The following PTPN12 variants were observed in gnomAD, a reference collection of about 807,000 sequenced individuals.
PTPN12 encodes the protein protein tyrosine phosphatase non-receptor type 12, also known as tyrosine-protein phosphatase non-receptor type 12.
In PTPN12, 29 loss-of-function variants were observed where a neutral mutation model predicts 97.6. That is an observed-to-expected ratio of 0.30 (90% CI 0.22 to 0.41). The LOEUF (loss-of-function observed/expected upper bound fraction) is 0.41. Among genes scored for constraint, PTPN12 ranks in the 10% least tolerant of loss-of-function variants. The pLI is 1.00. For synonymous variants in PTPN12, 327 were observed against 300.4 expected (o/e 1.09, Z -0.91); for missense variants, 819 against 926.0 (o/e 0.88, Z 1.50).
intron 1 of PTPN12, among the ~76,000 whole-genome samples, chr7:77,557,736 A>G (rs915142519): frequency 2.6e-5 from 4 of 152,198 alleles, no homozygotes; most frequent in African/African-American, 9.7e-5. Context: ...AGAACATTTC[A>G]GTAGAAACAT....
intron 2 of PTPN12, among the ~76,000 whole-genome samples, chr7:77,576,427 A>G (rs1787344696): frequency 6.6e-6 from 1 of 151,826 alleles, no homozygotes; most frequent in Non-Finnish European, 1.5e-5. Context: ...TGGCAGGGCG[A>G]GGTGACTCAT....
chr7:77,618,590 C>G, intron 12 of PTPN12, 25 bp downstream of exon 12: 1 of 1,465,682 alleles, frequency 6.8e-7, no homozygotes, highest in Non-Finnish European at 9.5e-7. Flanking sequence ...CGAACATTTT[C>G]TTTAAAAGCA....
At chr7:77,569,297 T>C (rs1362648625) in intron 1 of PTPN12, among the ~76,000 whole-genome samples, 1 of 152,220 alleles carries the variant, frequency 6.6e-6, no homozygotes, top group Non-Finnish European at 1.5e-5. Context: ...ATGTACACTA[T>C]TGTTTCCTGC....
chr7:77,624,995 T>A (rs1789083148), intron 12 of PTPN12, among the ~76,000 whole-genome samples: 1 of 151,608 alleles, frequency 6.6e-6, no homozygotes, highest in African/African-American at 2.4e-5. Flanking sequence ...ATTAGCCAGG[T>A]GTGGTGGCAT....
chr7:77,573,082 CAAA>C (rs1219989240), intron 2 of PTPN12, among the ~76,000 whole-genome samples: 1 of 36,386 alleles, frequency 2.7e-5, no homozygotes, highest in Non-Finnish European at 3.9e-5. Context: ...GACTCTATCT[CAAA>C]AAAAAAAAAA....
At chr7:77,616,202 C>A (rs1017717832) in intron 11 of PTPN12, among the ~76,000 whole-genome samples, 3 of 152,148 alleles carry the variant, frequency 2.0e-5, no homozygotes, top group African/African-American at 7.2e-5. Context: ...CAAAATCTTA[C>A]CAATCCCTCA....
intron 6 of PTPN12, among the ~76,000 whole-genome samples, chr7:77,594,422 T>A (rs1481317632): frequency 7.9e-5 from 12 of 152,172 alleles, no homozygotes; most frequent in Admixed American, 7.9e-4. Context: ...CAGAAAGAAA[T>A]CTGTAATATT....
At chr7:77,625,128 C>G (rs994604177) in intron 12 of PTPN12, among the ~76,000 whole-genome samples, 1 of 152,044 alleles carries the variant, frequency 6.6e-6, no homozygotes, top group Admixed American at 6.6e-5. Flanking sequence ...GAACAAGACT[C>G]TATCTCAAAA....
At chr7:77,554,341 G>GT (rs1807607181) in intron 1 of PTPN12, among the ~76,000 whole-genome samples, 2 of 152,084 alleles carry the variant, frequency 1.3e-5, no homozygotes, top group Non-Finnish European at 2.9e-5. Flanking sequence ...CCATTTTCAG[G>GT]TAACACTGTA....
chr7:77,553,770 G>T (rs1334827317), intron 1 of PTPN12, among the ~76,000 whole-genome samples: 1 of 151,536 alleles, frequency 6.6e-6, no homozygotes, highest in Non-Finnish European at 1.5e-5. Flanking sequence ...GACCATTCAC[G>T]TTCAGAGTGA....
At chr7:77,634,017 CTT>C (rs1350105917) in intron 14 of PTPN12, among the ~76,000 whole-genome samples, 2 of 152,064 alleles carry the variant, frequency 1.3e-5, no homozygotes, top group African/African-American at 4.8e-5. Context: ...GAGCAAAAAA[CTT>C]TGTCTCAAAA....
intron 9 of PTPN12, among the ~76,000 whole-genome samples, chr7:77,609,829 G>A (rs1341787220): frequency 6.6e-6 from 1 of 151,132 alleles, no homozygotes; most frequent in African/African-American, 2.4e-5. Context: ...TGCAGTGAGC[G>A]GATATCACGC....
intron 1 of PTPN12, chr7:77,538,066 G>A (rs961612443): frequency 2.0e-6 from 2 of 997,236 alleles, no homozygotes; most frequent in African/African-American, 3.5e-5. Flanking sequence ...GTGACCGGGA[G>A]GAGTGCAGAT....
At chr7:77,575,327 ACG>A (rs1787305275) in intron 2 of PTPN12, among the ~76,000 whole-genome samples, 3 of 88,592 alleles carry the variant, frequency 3.4e-5, no homozygotes, top group Admixed American at 1.1e-4. Flanking sequence ...CAACACACAC[ACG>A]CACGCACGCA....
chr7:77,623,525 A>G (rs1371997365), intron 12 of PTPN12, among the ~76,000 whole-genome samples: 1 of 152,250 alleles, frequency 6.6e-6, no homozygotes, highest in African/African-American at 2.4e-5. Flanking sequence ...AGCCTGGCCA[A>G]CATGGCGAAA....
At chr7:77,605,945 CTTTTTTT>C (rs10648385) in intron 8 of PTPN12, among the ~76,000 whole-genome samples, 72 of 51,912 alleles carry the variant, frequency 1.4e-3, no homozygotes, top group African/African-American at 5.2e-3. Flanking sequence ...CAAGAGCCAT[CTTTTTTT>C]TTTTTTTTTT....
At chr7:77,575,402 G>T (rs1172536998) in intron 2 of PTPN12, among the ~76,000 whole-genome samples, 1 of 152,092 alleles carries the variant, frequency 6.6e-6, no homozygotes, top group East Asian at 1.9e-4. Context: ...CAGCTACTCA[G>T]TAGGCTGATG....
At position 77,627,583 on chromosome 7, in the gene PTPN12, C is replaced by T; in HGVS notation, c.1904C>T (p.Thr635Ile). The part of the protein sequence containing the change: ...STASATVSAA[T>I]STESISTRKV... ...GCAAGTGCCACAGTTTCTGCTGCCA[C>T]TAGTACTGAAAGCATTTCTACTAGG... is the stretch of plus-strand genomic sequence containing the variant. Residue 635 changes from threonine to isoleucine, a missense_variant, in exon 13 of 18, where the codon ACT becomes ATT. Physicochemically the swap from Thr to Ile is moderately conservative, Grantham distance 89 (BLOSUM62 -1). Around this residue, in one of 5 missense-constraint regions of PTPN12, gnomAD observed 607 missense variants for 577.3 expected, o/e 1.05. Coordinates refer to ENST00000248594, the MANE Select transcript of PTPN12 (RefSeq NM_002835.4). 6.2e-7 allele frequency: 1 copy of T among 1,613,770 alleles called. No individual in the cohort carries two copies. The highest frequency in any genetic ancestry group is 1.7e-5 in the Admixed American group (1 of 59,998).
In PTPN12 at chr7:77,612,849, G is replaced by A. The variant is rs188094144; in HGVS notation, c.939+1803G>A. Among the ~76,000 whole-genome samples, 865 of 151,146 alleles carry A rather than the reference G, an allele frequency of 5.7e-3. 5 individuals are homozygous for A. The highest frequency in any genetic ancestry group is 9.5e-3 in the Admixed American group (144 of 15,164). On this transcript the variant is annotated intron_variant, in intron 11 of 17. Transcript: ENST00000248594. ...GTCACTTAGGCTGGAGTGCAGTGGC[G>A]CAACCTCTGCCTCCCGGGTTCAAGC...
Sources: gnomAD v4.1 joint callset for allele counts (sites outside exome capture counted in the v4.1 genomes callset) on GRCh38, gnomAD v4.1.1 for gene constraint, gnomAD v4.1.1 regional missense constraint, MANE v1.5 for transcripts, NCBI Gene and HGNC (gene_info 2026-07-23, HGNC 2026-07-21) for gene names.